GALNT17: variants seen among roughly 807,000 people sequenced by gnomAD.
GALNT17 encodes polypeptide N-acetylgalactosaminyltransferase 17, also known as UDP-GalNAc:polypeptide N-acetylgalactosaminyltransferase-like 3.
A neutral mutation model predicts 63.7 loss-of-function variants in GALNT17; 29 were observed. The observed-to-expected ratio is 0.46, with a 90% CI of 0.34 to 0.62. The LOEUF (loss-of-function observed/expected upper bound fraction) is 0.62. Among genes scored for constraint, GALNT17 ranks in the 20% least tolerant of loss-of-function variants. GALNT17 has a pLI of 0.01. For missense variants in GALNT17, 603 were observed against 799.6 expected (o/e 0.75, Z 2.97); for synonymous variants, 305 against 318.3 (o/e 0.96, Z 0.45).
At chr7:71,650,929 T>C (rs1790745126) in intron 6 of GALNT17, among the ~76,000 whole-genome samples, 1 of 152,178 alleles carries the variant, frequency 6.6e-6, no homozygotes. Context: ...TTTATACCCC[T>C]GGCAGCGTTT....
intron 8 of GALNT17, among the ~76,000 whole-genome samples, chr7:71,671,616 G>A (rs372739156): frequency 6.6e-6 from 1 of 152,180 alleles, no homozygotes; most frequent in Non-Finnish European, 1.5e-5. Flanking sequence ...GTTACCAGCT[G>A]TGTGGGTCTG....
chr7:71,319,094 T>TTCTTTC (rs372024382), intron 1 of GALNT17, among the ~76,000 whole-genome samples: 91 of 49,240 alleles, frequency 1.8e-3, no homozygotes, highest in African/African-American at 4.4e-3. Flanking sequence ...CTATTTTTGT[T>TTCTTTC]TATCTTTCTT....
chr7:71,208,899 T>C (rs1034901328), intron 1 of GALNT17, among the ~76,000 whole-genome samples: 1 of 152,240 alleles, frequency 6.6e-6, no homozygotes, highest in Non-Finnish European at 1.5e-5. Context: ...AATTGATTTA[T>C]AATTACTTGA....
intron 6 of GALNT17, among the ~76,000 whole-genome samples, chr7:71,653,884 A>G (rs1171423193): frequency 6.6e-6 from 1 of 152,190 alleles, no homozygotes; most frequent in Non-Finnish European, 1.5e-5. Context: ...GAAATTTAGA[A>G]ACAAGCACTG....
At chr7:71,203,857 C>T (rs903305950) in intron 1 of GALNT17, among the ~76,000 whole-genome samples, 1 of 152,220 alleles carries the variant, frequency 6.6e-6, no homozygotes, top group Admixed American at 6.5e-5. Context: ...TATTTTCTCC[C>T]CGTCCATGGG....
At chr7:71,570,608 G>A (rs767249182) in intron 5 of GALNT17, among the ~76,000 whole-genome samples, 3 of 152,108 alleles carry the variant, frequency 2.0e-5, no homozygotes, top group Non-Finnish European at 4.4e-5. Context: ...GTGTGCAGAC[G>A]CCATGGGATA....
At chr7:71,409,447 C>G (rs931243971) in intron 3 of GALNT17, among the ~76,000 whole-genome samples, 2 of 152,194 alleles carry the variant, frequency 1.3e-5, no homozygotes, top group Non-Finnish European at 2.9e-5. Flanking sequence ...GAGGAACACT[C>G]ACTCATCTAA....
chr7:71,336,880 G>A lies in GALNT17; in HGVS notation c.422+1147G>A, dbSNP rs1235915980. Among the ~76,000 whole-genome samples, 5 of 152,080 alleles carry A rather than the reference G, an allele frequency of 3.3e-5. No individual in the cohort carries two copies. In the East Asian group the frequency reaches 7.7e-4, roughly 23 times the overall value. On this transcript the variant is annotated intron_variant, in intron 2 of 10. Transcript: ENST00000333538. ...AGTAATGGGATTGCTGGGTCAAATG[G>A]GTCTGCTTTGAGTTCTTTGCGGCTT...
chr7:71,342,235 A>T (rs961433377), intron 2 of GALNT17, among the ~76,000 whole-genome samples: 1 of 152,212 alleles, frequency 6.6e-6, no homozygotes. Flanking sequence ...GCTTACAGTC[A>T]TGGCTGAAAG....
intron 5 of GALNT17, among the ~76,000 whole-genome samples, chr7:71,437,627 T>C (rs1786989238): frequency 6.6e-6 from 1 of 152,204 alleles, no homozygotes; most frequent in Admixed American, 6.5e-5. Context: ...AAGTGATTCT[T>C]CAGTGACTTC....
intron 1 of GALNT17, among the ~76,000 whole-genome samples, chr7:71,298,230 A>G (rs555074288): frequency 6.6e-6 from 1 of 151,778 alleles, no homozygotes; most frequent in East Asian, 2.0e-4. Context: ...ATGTTGGCCA[A>G]GCTGGTCTCG....
intron 6 of GALNT17, among the ~76,000 whole-genome samples, chr7:71,578,528 A>C (rs1394053960): frequency 6.6e-6 from 1 of 151,822 alleles, no homozygotes; most frequent in African/African-American, 2.4e-5. Flanking sequence ...TTTTGTAGAG[A>C]TGGGGGTCTC....
chr7:71,279,933 G>A (rs983019998), intron 1 of GALNT17, among the ~76,000 whole-genome samples: 5 of 152,002 alleles, frequency 3.3e-5, no homozygotes, highest in African/African-American at 4.8e-5. Context: ...ATAATCTTCC[G>A]GCCCACTAAA....
chr7:71,147,671 G>A (rs974059270), intron 1 of GALNT17, among the ~76,000 whole-genome samples: 1 of 150,724 alleles, frequency 6.6e-6, no homozygotes, highest in African/African-American at 2.4e-5. Flanking sequence ...TCACTCTGTC[G>A]TCCAGGCTGG....
chr7:71,185,317 C>A (rs1014990547), intron 1 of GALNT17, among the ~76,000 whole-genome samples: 1 of 151,300 alleles, frequency 6.6e-6, no homozygotes, highest in Admixed American at 6.6e-5. Flanking sequence ...GTGATCCCCC[C>A]ACCTCAGCCT....
At chr7:71,181,940 C>G (rs1173855682) in intron 1 of GALNT17, among the ~76,000 whole-genome samples, 1 of 151,946 alleles carries the variant, frequency 6.6e-6, no homozygotes, top group African/African-American at 2.4e-5. Flanking sequence ...CTTTGGGAGG[C>G]CAAGGCGGGC....
chr7:71,709,700 G>A (rs1321698859), intron 9 of GALNT17, among the ~76,000 whole-genome samples: 3 of 151,980 alleles, frequency 2.0e-5, no homozygotes, highest in Non-Finnish European at 4.4e-5. Context: ...CCAGGTTCAA[G>A]CAATTCTCCT....
intron 5 of GALNT17, among the ~76,000 whole-genome samples, chr7:71,455,518 G>A (rs1316285547): frequency 2.4e-5 from 3 of 126,184 alleles, no homozygotes; most frequent in African/African-American, 9.0e-5. Flanking sequence ...TTTTTTTTTT[G>A]CATTTTAATA....
intron 6 of GALNT17, among the ~76,000 whole-genome samples, chr7:71,643,454 C>A (rs898405599): frequency 1.1e-4 from 16 of 152,042 alleles, no homozygotes; most frequent in African/African-American, 3.9e-4. Context: ...GGCCACAGAG[C>A]GAGACTCTGT....
Sources: allele counts gnomAD v4.1 joint callset (sites outside exome capture counted in the v4.1 genomes callset), GRCh38; gene constraint gnomAD v4.1.1; transcripts MANE v1.5; gene names NCBI Gene and HGNC (gene_info 2026-07-23, HGNC 2026-07-21).